TMEFF1: variants seen among roughly 807,000 people sequenced by gnomAD.
TMEFF1 encodes tomoregulin-1.
In TMEFF1, 20 loss-of-function variants were observed where a neutral mutation model predicts 47.5. That is an observed-to-expected ratio of 0.42 (90% CI 0.30 to 0.61). The LOEUF is 0.61. Among genes scored for constraint, TMEFF1 ranks in the 20% least tolerant of loss-of-function variants. The probability of loss-of-function intolerance (pLI) is 0.19; values close to 1 mark genes in which losing one functional copy is unlikely to be tolerated. For synonymous variants in TMEFF1, 162 were observed against 166.3 expected, an observed-to-expected ratio of 0.97 and a Z score of 0.20; for missense variants, 411 against 471.1, an observed-to-expected ratio of 0.87 and a Z score of 1.18.
chr9:100,476,394 C>T (rs951685334), intron 1 of TMEFF1, among the ~76,000 whole-genome samples: 1 of 151,964 alleles, frequency 6.6e-6, no homozygotes, highest in African/African-American at 2.4e-5. Flanking sequence ...GAAGTTTACT[C>T]TGTCATGTTT....
chr9:100,538,923 T>C (rs80046230), intron 5 of TMEFF1, among the ~76,000 whole-genome samples: 1 of 152,090 alleles, frequency 6.6e-6, no homozygotes, highest in African/African-American at 2.4e-5. Flanking sequence ...TTTTTTTTTT[T>C]AGACAGAGTT....
intron 9 of TMEFF1, among the ~76,000 whole-genome samples, chr9:100,575,825 G>A (rs909645211): frequency 6.6e-6 from 1 of 151,902 alleles, no homozygotes; most frequent in African/African-American, 2.4e-5. Flanking sequence ...TCTTGTGTTT[G>A]CAATCTAGTG....
At chr9:100,552,335 CATCTT>C (rs1398469343) in intron 7 of TMEFF1, among the ~76,000 whole-genome samples, 2 of 152,142 alleles carry the variant, frequency 1.3e-5, no homozygotes, top group Non-Finnish European at 2.9e-5. Context: ...AAGGAATAGA[CATCTT>C]AGATATGAGA....
At chr9:100,545,154 G>A (rs561986704) in intron 5 of TMEFF1, among the ~76,000 whole-genome samples, 63 of 152,280 alleles carry the variant, frequency 4.1e-4, no homozygotes, top group Admixed American at 1.2e-3. Flanking sequence ...ACTAGGCGAC[G>A]CCTCAGTAGA....
chr9:100,483,298 A>G (rs1356080848), intron 1 of TMEFF1, among the ~76,000 whole-genome samples: 1 of 152,100 alleles, frequency 6.6e-6, no homozygotes, highest in East Asian at 1.9e-4. Context: ...GGAGTTGGAG[A>G]CCAGCCTGGC....
rs145359410 is a variant in TMEFF1 at position 100,505,735 on chromosome 9, C to T, written c.307-3270C>T. On this transcript the variant is annotated intron_variant, in intron 2 of 9. Transcript: ENST00000374879. ...TCTGTCAATGTGACAACCAAAAATG[C>T]CTCCACAGGGACAGCCACCCCTAGG... Among the ~76,000 whole-genome samples, 638 of 152,252 alleles carry T rather than the reference C, an allele frequency of 4.2e-3. 3 individuals carry two copies. Among genetic ancestry groups the T allele is most frequent in the African/African-American group, 0.015 (604 of 41,546 alleles).
intron 8 of TMEFF1, among the ~76,000 whole-genome samples, chr9:100,569,268 G>A (rs1342964158): frequency 2.6e-5 from 4 of 152,046 alleles, no homozygotes; most frequent in Non-Finnish European, 4.4e-5. Context: ...TGGCATATAC[G>A]GTGGCTTTGA....
At chr9:100,526,927 T>C (rs10819790) in intron 5 of TMEFF1, among the ~76,000 whole-genome samples, 25,255 of 121,906 alleles carry the variant, frequency 0.21, 2,493 homozygotes, top group Middle Eastern at 0.37. Context: ...CTGGGCAACA[T>C]GGTGAAACCC....
chr9:100,477,575 C>T (rs1243015610), intron 1 of TMEFF1, among the ~76,000 whole-genome samples: 1 of 147,804 alleles, frequency 6.8e-6, no homozygotes, highest in Admixed American at 6.7e-5. Flanking sequence ...TCAGCAGTTA[C>T]ATAGCAGGTT....
chr9:100,474,656 G>A (rs918504756), intron 1 of TMEFF1, among the ~76,000 whole-genome samples: 4 of 152,078 alleles, frequency 2.6e-5, no homozygotes, highest in African/African-American at 4.8e-5. Flanking sequence ...GTGTAACCCT[G>A]GGTTATTAAA....
intron 9 of TMEFF1, among the ~76,000 whole-genome samples, chr9:100,573,503 C>A (rs561398323): frequency 6.6e-6 from 1 of 152,144 alleles, no homozygotes; most frequent in African/African-American, 2.4e-5. Context: ...CCAGCAAGTT[C>A]GTGTTGTCTT....
chr9:100,570,565 TTGTCAAAACCAA>T (rs1370025700), intron 8 of TMEFF1, among the ~76,000 whole-genome samples: 2 of 152,096 alleles, frequency 1.3e-5, no homozygotes, highest in Admixed American at 6.6e-5. Flanking sequence ...CTTAGCACCC[TTGTCAAAACCAA>T]TTGACCATAG....
chr9:100,495,739 A>C (rs1462099784), intron 1 of TMEFF1, among the ~76,000 whole-genome samples: 1 of 152,218 alleles, frequency 6.6e-6, no homozygotes, highest in Non-Finnish European at 1.5e-5. Flanking sequence ...TCAGAATTTC[A>C]TGACTTTTAC....
At chr9:100,488,285 A>C (rs866455090) in intron 1 of TMEFF1, among the ~76,000 whole-genome samples, 5 of 152,308 alleles carry the variant, frequency 3.3e-5, no homozygotes, top group Middle Eastern at 3.4e-3. Flanking sequence ...TGTTTCTACC[A>C]AAGTCTGTGT....
At chr9:100,483,154 G>C (rs987015623) in intron 1 of TMEFF1, among the ~76,000 whole-genome samples, 14 of 151,894 alleles carry the variant, frequency 9.2e-5, no homozygotes, top group Non-Finnish European at 1.6e-4. Flanking sequence ...TCATGATTTT[G>C]CGTTATGGTC....
intron 5 of TMEFF1, among the ~76,000 whole-genome samples, chr9:100,524,833 C>G (rs539309697): frequency 6.6e-6 from 1 of 152,236 alleles, no homozygotes; most frequent in African/African-American, 2.4e-5. Flanking sequence ...TGATGGTTTG[C>G]TGCACCCATC....
At chr9:100,515,713 G>A (rs2118384697) in intron 4 of TMEFF1, among the ~76,000 whole-genome samples, 2 of 152,132 alleles carry the variant, frequency 1.3e-5, no homozygotes, top group Admixed American at 1.3e-4. Context: ...TTGAACCCAG[G>A]AGGCAGAGGT....
At chr9:100,490,453 C>G (rs1273887170) in intron 1 of TMEFF1, among the ~76,000 whole-genome samples, 2 of 152,042 alleles carry the variant, frequency 1.3e-5, no homozygotes, top group East Asian at 3.9e-4. Context: ...ATTAGAGGTG[C>G]CCCTCAGATT....
At chr9:100,495,417 G>A (rs1242362611) in intron 1 of TMEFF1, among the ~76,000 whole-genome samples, 1 of 152,062 alleles carries the variant, frequency 6.6e-6, no homozygotes, top group Non-Finnish European at 1.5e-5. Flanking sequence ...TGCACCCTAT[G>A]CCTCAAATCC....
Sources: gnomAD v4.1 joint callset for allele counts (sites outside exome capture counted in the v4.1 genomes callset) on GRCh38, gnomAD v4.1.1 for gene constraint, MANE v1.5 for transcripts, NCBI Gene and HGNC (gene_info 2026-07-23, HGNC 2026-07-21) for gene names.